The following GMDS variants were observed in gnomAD, a reference collection of about 807,000 sequenced individuals.
GMDS encodes the protein GDP-mannose 4,6 dehydratase.
A neutral mutation model predicts 49.9 loss-of-function variants in GMDS; 20 were observed. That is an observed-to-expected ratio of 0.40 (90% confidence interval 0.28 to 0.58). The LOEUF (loss-of-function observed/expected upper bound fraction) is 0.58. GMDS is among the 20% of genes least tolerant of loss of function. The pLI is 0.42. For synonymous variants in GMDS, 177 were observed against 178.6 expected (o/e 0.99, Z 0.07); for missense variants, 362 against 481.4 (o/e 0.75, Z 2.32).
intron 4 of GMDS, among the ~76,000 whole-genome samples, chr6:2,035,084 T>C (rs557262145): frequency 5.9e-5 from 9 of 152,292 alleles, no homozygotes; most frequent in South Asian, 4.2e-4. Flanking sequence ...CTCTAACTTA[T>C]AGCTGAATAA....
intron 9 of GMDS, among the ~76,000 whole-genome samples, chr6:1,673,951 C>A (rs1035727670): frequency 1.2e-5 from 1 of 83,692 alleles, no homozygotes; most frequent in Non-Finnish European, 3.0e-5. Context: ...GTCTTGCTTG[C>A]TTCCAGTTTA....
intron 7 of GMDS, among the ~76,000 whole-genome samples, chr6:1,774,139 A>T (rs1359776543): frequency 6.6e-6 from 1 of 152,224 alleles, no homozygotes; most frequent in Non-Finnish European, 1.5e-5. Flanking sequence ...TTATAAATAA[A>T]TGAATCAAAA....
intron 4 of GMDS, among the ~76,000 whole-genome samples, chr6:2,023,351 C>T (rs984869000): frequency 1.3e-5 from 2 of 152,198 alleles, no homozygotes; most frequent in African/African-American, 4.8e-5. Context: ...TGTGTCTCTT[C>T]CTCGTAACAA....
chr6:2,124,191 C>T (rs969560813), intron 2 of GMDS, among the ~76,000 whole-genome samples: 3 of 151,984 alleles, frequency 2.0e-5, no homozygotes, highest in Non-Finnish European at 4.4e-5. Context: ...GTGAAGACAA[C>T]GACAAAAGCA....
intron 1 of GMDS, among the ~76,000 whole-genome samples, chr6:2,234,564 G>C (rs1219518993): frequency 6.6e-6 from 1 of 151,822 alleles, no homozygotes; most frequent in Admixed American, 6.6e-5. Context: ...AGCCAAAATC[G>C]CACCACTGCA....
intron 1 of GMDS, among the ~76,000 whole-genome samples, chr6:2,215,088 G>A (rs1468989875): frequency 6.6e-6 from 1 of 152,068 alleles, no homozygotes; most frequent in Non-Finnish European, 1.5e-5. Flanking sequence ...CAATTTACAG[G>A]AAATAAAGGG....
intron 9 of GMDS, among the ~76,000 whole-genome samples, chr6:1,666,184 G>T (rs1430209571): frequency 6.6e-6 from 1 of 152,218 alleles, no homozygotes; most frequent in Non-Finnish European, 1.5e-5. Context: ...AAGGCCGTGA[G>T]AGTCCCTGAG....
rs186840621 is a variant in GMDS, at chr6:1,742,189, G to T, written c.890+279C>A. ...CCTGTCTCGGCTTCCCAAAGTGCTG[G>T]GATTACAGGCGTGAACCACCGCGCC... On this transcript the variant is annotated intron_variant, in intron 8 of 10. Transcript: ENST00000380815. 8.6e-5 allele frequency among the ~76,000 whole-genome samples: 13 copies of T among 151,930 alleles called. No individual in the cohort carries two copies. In the East Asian group the frequency reaches 2.5e-3, roughly 29 times the overall value.
At chr6:1,748,743 C>T (rs2113512951) in intron 7 of GMDS, among the ~76,000 whole-genome samples, 1 of 152,326 alleles carries the variant, frequency 6.6e-6, no homozygotes, top group South Asian at 2.1e-4. Flanking sequence ...AGTTACAGGG[C>T]CCATGGACTA....
At chr6:1,912,829 T>C (rs1761137939) in intron 7 of GMDS, among the ~76,000 whole-genome samples, 1 of 152,064 alleles carries the variant, frequency 6.6e-6, no homozygotes. Flanking sequence ...AACATAAAAA[T>C]ACAGAATTTC....
intron 4 of GMDS, among the ~76,000 whole-genome samples, chr6:2,113,399 C>T (rs988902444): frequency 6.6e-5 from 10 of 151,960 alleles, no homozygotes; most frequent in African/African-American, 2.4e-4. Context: ...ATATCTTCCC[C>T]CGTTCAAAAC....
chr6:1,737,314 A>G (rs1767032854), intron 8 of GMDS, among the ~76,000 whole-genome samples: 1 of 152,192 alleles, frequency 6.6e-6, no homozygotes, highest in Non-Finnish European at 1.5e-5. Context: ...ATTTAACAAG[A>G]TTAATGACAG....
chr6:1,929,691 C>T lies in GMDS; in HGVS notation c.771+412G>A, dbSNP rs577695295. On this transcript the variant is annotated intron_variant, in intron 7 of 10. Coordinates refer to ENST00000380815, the MANE Select transcript of GMDS (RefSeq NM_001500.4). ...AGTTCCATAAGAATATTACTCTTGG[C>T]GGGACTTAGTAGAATAATGTAAGTC... is the stretch of plus-strand genomic sequence containing the variant. Among the ~76,000 whole-genome samples, 14 of 152,164 alleles carry T rather than the reference C, an allele frequency of 9.2e-5. No individual in the cohort carries two copies. The South Asian group carries it at 2.3e-3, about 25-fold the overall frequency.
At chr6:1,802,869 C>T (rs1202293636) in intron 7 of GMDS, among the ~76,000 whole-genome samples, 1 of 152,188 alleles carries the variant, frequency 6.6e-6, no homozygotes, top group Non-Finnish European at 1.5e-5. Context: ...GTTTCAATTA[C>T]GACTTTCTCC....
At chr6:2,166,063 C>A (rs147694679) in intron 1 of GMDS, among the ~76,000 whole-genome samples, 1 of 151,936 alleles carries the variant, frequency 6.6e-6, no homozygotes, top group Non-Finnish European at 1.5e-5. Context: ...ACAGACTGGG[C>A]GACCCAACAA....
At chr6:1,632,369 T>A (rs1763025971) in intron 9 of GMDS, among the ~76,000 whole-genome samples, 1 of 152,094 alleles carries the variant, frequency 6.6e-6, no homozygotes, top group South Asian at 2.1e-4. Context: ...TTGCTGTATG[T>A]GAGGTCCCAG....
intron 1 of GMDS, among the ~76,000 whole-genome samples, chr6:2,242,767 C>A (rs1220577798): frequency 1.3e-5 from 2 of 152,122 alleles, no homozygotes; most frequent in African/African-American, 2.4e-5. Context: ...CCTTACTTAG[C>A]CAGGGATAAA....
At chr6:1,625,034 G>A (rs1310513069) in intron 9 of GMDS, 1 of 152,074 alleles carries the variant, frequency 6.6e-6, no homozygotes, top group Non-Finnish European at 1.5e-5. Context: ...AAAGCCACCA[G>A]CCCCGCGGGG....
chr6:2,175,801 A>G, intron 1 of GMDS: 1 of 604,362 alleles, frequency 1.7e-6, no homozygotes, highest in Non-Finnish European at 2.9e-6. Flanking sequence ...TAACATTTAT[A>G]TAGCCCTTAA....
Sources: allele counts gnomAD v4.1 joint callset (sites outside exome capture counted in the v4.1 genomes callset), GRCh38; gene constraint gnomAD v4.1.1; transcripts MANE v1.5; gene names NCBI Gene and HGNC (gene_info 2026-07-23, HGNC 2026-07-21).